The following CDH8 variants were observed in gnomAD, a reference collection of about 807,000 sequenced individuals.
The protein encoded by CDH8 is cadherin 8.
Under a neutral mutation model 68.1 loss-of-function variants are expected in CDH8, and 17 were observed. That is an observed-to-expected ratio of 0.25 (90% CI 0.17 to 0.37). The LOEUF (loss-of-function observed/expected upper bound fraction) is 0.37, where lower values mean the gene tolerates loss of function less well. CDH8 is among the 10% of genes least tolerant of loss of function. The pLI is 1.00. For missense variants in CDH8, 763 were observed against 999.3 expected, an observed-to-expected ratio of 0.76 and a Z score of 3.19; for synonymous variants, 372 against 365.1, an observed-to-expected ratio of 1.02 and a Z score of -0.21.
At chr16:61,792,681 T>C (rs1174275967) in intron 7 of CDH8, among the ~76,000 whole-genome samples, 1 of 151,992 alleles carries the variant, frequency 6.6e-6, no homozygotes, top group East Asian at 1.9e-4. Flanking sequence ...CGCTTCTGAG[T>C]CATTGTGAAG....
intron 1 of CDH8, among the ~76,000 whole-genome samples, chr16:62,024,633 T>C (rs903293932): frequency 1.3e-5 from 2 of 152,180 alleles, no homozygotes; most frequent in African/African-American, 4.8e-5. Flanking sequence ...TGCAATGGCA[T>C]AGCTGGACTA....
intron 8 of CDH8, among the ~76,000 whole-genome samples, chr16:61,781,549 G>A (rs1961056189): frequency 6.6e-6 from 1 of 152,170 alleles, no homozygotes; most frequent in African/African-American, 2.4e-5. Context: ...TGAGCCCAGG[G>A]TGGAGTGAGC....
chr16:61,918,767 T>G (rs1328386764), intron 2 of CDH8: 2 of 152,380 alleles, frequency 1.3e-5, no homozygotes, highest in Non-Finnish European at 2.9e-5. Flanking sequence ...CCAGGCTTGC[T>G]TAGGTAAACA....
At chr16:61,720,369 G>A (rs536307282) in intron 9 of CDH8, among the ~76,000 whole-genome samples, 4 of 151,056 alleles carry the variant, frequency 2.6e-5, no homozygotes, top group South Asian at 2.1e-4. Flanking sequence ...GGAAACAAGC[G>A]TATTCAGGTT....
intron 10 of CDH8, among the ~76,000 whole-genome samples, chr16:61,700,255 A>G (rs138938233): frequency 9.9e-5 from 15 of 151,022 alleles, no homozygotes; most frequent in Non-Finnish European, 2.1e-4. Flanking sequence ...TTATTGGATC[A>G]TATATTAGAT....
intron 8 of CDH8, among the ~76,000 whole-genome samples, chr16:61,761,815 C>T (rs1211307728): frequency 6.6e-6 from 1 of 151,904 alleles, no homozygotes; most frequent in Admixed American, 6.6e-5. Flanking sequence ...CCAGCCCGGG[C>T]AATATACTGA....
chr16:61,861,781 G>T (rs1963154240), intron 3 of CDH8, among the ~76,000 whole-genome samples: 1 of 132,372 alleles, frequency 7.6e-6, no homozygotes, highest in Non-Finnish European at 1.5e-5. Context: ...TCTTTAAAAA[G>T]GAAGGTGAAC....
At chr16:62,030,372 T>C (rs984339256) in intron 1 of CDH8, among the ~76,000 whole-genome samples, 23 of 151,780 alleles carry the variant, frequency 1.5e-4, no homozygotes, top group African/African-American at 4.4e-4. Context: ...TGAATTGTTT[T>C]TTGTTTTTTT....
intron 10 of CDH8, among the ~76,000 whole-genome samples, chr16:61,709,347 G>C (rs756335815): frequency 3.3e-5 from 5 of 152,068 alleles, no homozygotes; most frequent in African/African-American, 7.2e-5. Context: ...GAATGACTCT[G>C]TCTGCCTTGA....
rs193256322 is a variant in CDH8, at chr16:61,984,268, A to C, written c.252+36884T>G. Among the ~76,000 whole-genome samples, 496 of 152,284 alleles carry C rather than the reference A, an allele frequency of 3.3e-3. 5 individuals are homozygous for C. Among genetic ancestry groups the C allele is most frequent in the African/African-American group, 0.011 (461 of 41,570 alleles). ...CTATCATGGGGGCTCCACCCTCATT[A>C]AACCTAATTAATTCCCCAACGCCCC... On this transcript the variant is annotated intron_variant, in intron 2 of 11. Transcript: ENST00000577390.
At chr16:61,801,619 C>T (rs1237336075) in intron 7 of CDH8, among the ~76,000 whole-genome samples, 5 of 152,102 alleles carry the variant, frequency 3.3e-5, no homozygotes, top group South Asian at 2.1e-4. Context: ...GCACCATGCG[C>T]GAGCCAAAGC....
At chr16:61,923,865 T>C (rs895142365) in intron 2 of CDH8, among the ~76,000 whole-genome samples, 7 of 147,726 alleles carry the variant, frequency 4.7e-5, no homozygotes, top group Non-Finnish European at 8.9e-5. Context: ...AAATATATTA[T>C]ATATTTACTA....
chr16:61,653,851 A>C lies in CDH8; in HGVS notation c.2157T>G (p.Val719=). The C allele has an allele frequency of 6.2e-7, 1 of 1,614,122 alleles. No individual in the cohort carries two copies. Among genetic ancestry groups the C allele is most frequent in the South Asian group, 1.1e-5 (1 of 91,086 alleles). ...RQGLAPVPNG[V]DVDEFINVRL... ...TTACATTTATAAATTCATCGACATC[A>C]ACACCATTTGGAACTGGAGCAAGCC... The change falls in exon 12 of 12, where the codon GTT becomes GTG. Residue 719 remains valine (V), a synonymous_variant. Transcript: ENST00000577390.
chr16:61,974,204 GA>G (rs928202467), intron 2 of CDH8, among the ~76,000 whole-genome samples: 2 of 151,908 alleles, frequency 1.3e-5, no homozygotes, highest in Non-Finnish European at 1.5e-5. Flanking sequence ...GTGTTCTATG[GA>G]AAAAAAAGCT....
chr16:61,948,065 T>C (rs893732114), intron 2 of CDH8, among the ~76,000 whole-genome samples: 2 of 152,032 alleles, frequency 1.3e-5, no homozygotes, highest in African/African-American at 4.8e-5. Flanking sequence ...GGCACAATAA[T>C]GAGAAAACCA....
At chr16:62,000,656 G>A (rs1318715881) in intron 2 of CDH8, among the ~76,000 whole-genome samples, 1 of 152,190 alleles carries the variant, frequency 6.6e-6, no homozygotes, top group African/African-American at 2.4e-5. Flanking sequence ...TGACTAGAAA[G>A]GAGATGCTGA....
chr16:61,704,566 G>T (rs1320147427), intron 10 of CDH8, among the ~76,000 whole-genome samples: 1 of 152,078 alleles, frequency 6.6e-6, no homozygotes, highest in East Asian at 1.9e-4. Flanking sequence ...AGTACATAAA[G>T]TACCACAGAA....
rs1042851076 is a variant in CDH8 at position 61,866,677 on chromosome 16, C to T, written c.548-9439G>A. Reference sequence around the variant, plus strand: ...CATATTCTACATCATGACTTAACACCCTTACACAGGAAGAGAATGTTTTTA... The same window carrying T: ...CATATTCTACATCATGACTTAACACTCTTACACAGGAAGAGAATGTTTTTA... On this transcript the variant is annotated intron_variant, in intron 3 of 11. Transcript: ENST00000577390. 7.9e-5 allele frequency among the ~76,000 whole-genome samples: 12 copies of T among 151,574 alleles called. 1 individual carries two copies. The highest frequency in any genetic ancestry group is 2.9e-4 in the African/African-American group (12 of 41,218).
At chr16:61,850,180 T>C (rs1053698944) in intron 4 of CDH8, among the ~76,000 whole-genome samples, 6 of 151,958 alleles carry the variant, frequency 3.9e-5, no homozygotes, top group African/African-American at 1.2e-4. Flanking sequence ...GGTGAGGAAG[T>C]TTTACTCATG....
Sources: allele counts gnomAD v4.1 joint callset (sites outside exome capture counted in the v4.1 genomes callset), GRCh38; gene constraint gnomAD v4.1.1; transcripts MANE v1.5; gene names NCBI Gene and HGNC (gene_info 2026-07-23, HGNC 2026-07-21).